Variants in ZCCHC14 observed in about 807,000 individuals in gnomAD.
ZCCHC14 encodes zinc finger CCHC-type containing 14, also known as zinc finger CCHC domain-containing protein 14.
A neutral mutation model predicts 85.0 loss-of-function variants in ZCCHC14; 16 were observed. The ratio of observed to expected loss-of-function variants is 0.19; its 90% CI spans 0.13 to 0.29. The LOEUF (loss-of-function observed/expected upper bound fraction) is 0.29, where lower values mean the gene tolerates loss of function less well. Among genes scored for constraint, ZCCHC14 ranks in the 10% least tolerant of loss-of-function variants. ZCCHC14 has a pLI of 1.00. For synonymous variants in ZCCHC14, 775 were observed against 630.7 expected (o/e 1.23, Z -3.43); for missense variants, 1,303 against 1,443.5 (o/e 0.90, Z 1.58).
In ZCCHC14 at chr16:87,420,378, G is replaced by C. The variant is rs750187005; in HGVS notation, c.950+229C>G. 6.6e-5 allele frequency among the ~76,000 whole-genome samples: 10 copies of C among 152,222 alleles called. No homozygotes were observed. The highest frequency in any genetic ancestry group is 1.3e-4 in the Non-Finnish European group (9 of 68,038). On this transcript the variant is annotated intron_variant, in intron 5 of 12. Transcript: ENST00000671377. The surrounding 1 kb of genome is among the most constrained non-coding windows in gnomAD (Gnocchi z 5.0). ...CAGGACTGCCAAAGCCCAAGACGTG[G>C]TGGGACCCACCCTGGAATTCCCTTC...
At chr16:87,430,570 G>A (rs1209501768) in intron 3 of ZCCHC14, among the ~76,000 whole-genome samples, 1 of 148,886 alleles carries the variant, frequency 6.7e-6, no homozygotes, top group Non-Finnish European at 1.5e-5. Flanking sequence ...TGCCCAGGCT[G>A]GAGTGCAGTG....
In ZCCHC14 at chr16:87,491,969, C is replaced by G. The variant is rs962168041; in HGVS notation, c.270G>C (p.Ser90=). 10 of 1,413,120 alleles carry G rather than the reference C, an allele frequency of 7.1e-6. No homozygotes were observed. In the African/African-American group the frequency reaches 1.4e-4, roughly 19 times the overall value. The allele number at this position is 1,413,120 out of a possible 1,614,324, so 87.5% of individuals were successfully genotyped here. The change falls in exon 1 of 13, where the codon TCG becomes TCC. Residue 90 remains serine, a synonymous_variant. Transcript: ENST00000671377. The surrounding 1 kb of genome is among the most constrained non-coding windows in gnomAD (Gnocchi z 5.9). ...GCTGCTCCGAGCCCAGCAGCGCCAG[C>G]GACACCAGCAGCTTGCTGCGCACCA... ...DEVVRSKLLV[S]LALLGSEQRE...
chr16:87,441,527 C>T lies in ZCCHC14; in HGVS notation c.695-8326G>A, dbSNP rs116939205. Among the ~76,000 whole-genome samples the T allele has an allele frequency of 2.0e-3, 312 of 152,250 alleles. 14 individuals carry two copies. In the East Asian group the frequency reaches 0.052, roughly 25 times the overall value. On this transcript the variant is annotated intron_variant, in intron 2 of 12. Transcript: ENST00000671377. ...TTCAAGTTTGAAAGGCAACACAAAA[C>T]TCCTCTCCAACATAAACATACTGGT...
At position 87,475,349 on chromosome 16, in the gene ZCCHC14, C is replaced by T. The variant is rs368229115; in HGVS notation, c.571-15218G>A. Reference sequence around the variant, plus strand: ...GGCGGATCACCTGAGGTCAGAAGTTCGAGACTAGCCTGGCCAACATGGCAA... The same window carrying T: ...GGCGGATCACCTGAGGTCAGAAGTTTGAGACTAGCCTGGCCAACATGGCAA... On this transcript the variant is annotated intron_variant, in intron 1 of 12. Transcript: ENST00000671377. Among the ~76,000 whole-genome samples the T allele has an allele frequency of 3.3e-5, 5 of 152,052 alleles. No homozygotes were observed. The East Asian group carries it at 9.7e-4, about 29-fold the overall frequency.
At chr16:87,433,350 G>A in intron 2 of ZCCHC14, 149 bp from the exon 3 acceptor site, 1 of 690,774 alleles carries the variant, frequency 1.4e-6, no homozygotes, top group African/African-American at 1.8e-5. Context: ...CCTAGAACCA[G>A]AGCCCAGAGA....
chr16:87,409,410 G>A lies in ZCCHC14; in HGVS notation c.*870C>T, dbSNP rs909409281. The A allele has an allele frequency of 6.6e-6, 1 of 152,172 alleles. No individual in the cohort carries two copies. The highest frequency in any genetic ancestry group is 1.5e-5 in the Non-Finnish European group (1 of 68,042). 9.4% of individuals were successfully genotyped at this position (152,172 alleles called of 1,614,324 possible). ...AGCCGCGCTGTCGCCGTCCCCCCTC[G>A]AGAGGTCATTTGTAGTGGAAGATAG... On this transcript the variant is annotated 3_prime_UTR_variant, in exon 13 of 13. Transcript: ENST00000671377.
At chr16:87,487,285 C>A (rs1447275525) in intron 1 of ZCCHC14, among the ~76,000 whole-genome samples, 2 of 152,128 alleles carry the variant, frequency 1.3e-5, no homozygotes, top group Non-Finnish European at 2.9e-5. Context: ...ACTTTAAAAA[C>A]GTTATTTTTT....
chr16:87,432,310 G>T (rs989770221), intron 3 of ZCCHC14, among the ~76,000 whole-genome samples: 12 of 152,182 alleles, frequency 7.9e-5, no homozygotes, highest in Admixed American at 6.5e-4. Context: ...AGCCTTTTAG[G>T]CATCTAGGTG....
intron 2 of ZCCHC14, among the ~76,000 whole-genome samples, chr16:87,436,446 C>CA (rs1210228908): frequency 6.6e-6 from 1 of 152,232 alleles, no homozygotes; most frequent in Non-Finnish European, 1.5e-5. Context: ...GAGGGAAGAC[C>CA]AGGCACAAGG....
At chr16:87,455,873 G>A (rs1368798417) in intron 2 of ZCCHC14, among the ~76,000 whole-genome samples, 1 of 152,244 alleles carries the variant, frequency 6.6e-6, no homozygotes, top group Non-Finnish European at 1.5e-5. Flanking sequence ...CTGTGTGTTA[G>A]ATAATTTTGC....
At position 87,491,106 on chromosome 16, in the gene ZCCHC14, G is replaced by A. The variant is rs1482260208; in HGVS notation, c.570+563C>T. Among the ~76,000 whole-genome samples, 1 of 152,234 alleles carries A rather than the reference G, an allele frequency of 6.6e-6. No homozygotes were observed. ...CAATGTGTGTTATCTGTCACCCAAG[G>A]GCCCCATTAAGGGGACAAAGGCCTT... On this transcript the variant is annotated intron_variant, in intron 1 of 12. Transcript: ENST00000671377. The surrounding 1 kb of genome is among the most constrained non-coding windows in gnomAD (Gnocchi z 5.9).
At chr16:87,429,055 C>G (rs563426207) in intron 3 of ZCCHC14, among the ~76,000 whole-genome samples, 1 of 152,322 alleles carries the variant, frequency 6.6e-6, no homozygotes, top group South Asian at 2.1e-4. Flanking sequence ...CTTAATTCCC[C>G]CAGGGTAAAT....
Position 87,424,009 on chromosome 16 carries a change from T to C in ZCCHC14, c.769-128A>G. ...AGCCCAGTGGGCCGTGCACCTGCTG[T>C]GGGAAGCACCTAAGCATCCCTTGAC... On this transcript the variant is annotated intron_variant, in intron 3 of 12. Transcript: ENST00000671377. 5.7e-6 allele frequency: 5 copies of C among 881,278 alleles called. No individual in the cohort carries two copies. In the South Asian group the frequency reaches 8.2e-5, roughly 15 times the overall value. The allele number at this position is 881,278 out of a possible 1,614,324, so 54.6% of individuals were successfully genotyped here.
In ZCCHC14 at chr16:87,410,046, A is replaced by G; in HGVS notation, c.*234T>C. ...ACCAAAAGTGGAGGTGGCCGATCTC[A>G]CCAGCCACAGAGATGCCCACTAGGC... On this transcript the variant is annotated 3_prime_UTR_variant, in exon 13 of 13. Coordinates refer to ENST00000671377, the MANE Select transcript of ZCCHC14 (RefSeq NM_015144.3). 1 of 403,928 alleles carries G rather than the reference A, an allele frequency of 2.5e-6. No homozygotes were observed. The highest frequency in any genetic ancestry group is 4.4e-6 in the Non-Finnish European group (1 of 227,536). The allele number at this position is 403,928 out of a possible 1,614,324, so 25.0% of individuals were successfully genotyped here.
chr16:87,423,388 AAAT>A (rs1396015723), intron 4 of ZCCHC14, among the ~76,000 whole-genome samples: 6 of 152,188 alleles, frequency 3.9e-5, no homozygotes, highest in Non-Finnish European at 8.8e-5. Flanking sequence ...TCTCTTAAAA[AAAT>A]AATAATAAAA....
At chr16:87,458,893 C>T (rs574517405) in intron 2 of ZCCHC14, among the ~76,000 whole-genome samples, 5 of 152,272 alleles carry the variant, frequency 3.3e-5, no homozygotes, top group South Asian at 2.1e-4. Flanking sequence ...CACTGGAAAG[C>T]GCCACCCTGG....
At chr16:87,416,489 G>A (rs888598353) in intron 8 of ZCCHC14, among the ~76,000 whole-genome samples, 1 of 152,114 alleles carries the variant, frequency 6.6e-6, no homozygotes, top group Admixed American at 6.5e-5. Context: ...CAGGCGCGGT[G>A]GCTCATGCCT....
intron 3 of ZCCHC14, among the ~76,000 whole-genome samples, chr16:87,427,003 A>C (rs1431603655): frequency 6.6e-6 from 1 of 152,244 alleles, no homozygotes; most frequent in Non-Finnish European, 1.5e-5. Flanking sequence ...ACCCGACGGG[A>C]CGCGGGCTCG....
intron 1 of ZCCHC14, among the ~76,000 whole-genome samples, chr16:87,463,800 G>C (rs147898827): frequency 6.6e-6 from 1 of 152,116 alleles, no homozygotes; most frequent in African/African-American, 2.4e-5. Context: ...ACTCCATCCC[G>C]GGTGACAGAG....
Sources: allele counts gnomAD v4.1 joint callset (sites outside exome capture counted in the v4.1 genomes callset), GRCh38; gene constraint gnomAD v4.1.1; non-coding constraint Gnocchi (gnomAD v3.1); transcripts MANE v1.5; gene names NCBI Gene and HGNC (gene_info 2026-07-23, HGNC 2026-07-21).